Variants in DIDO1 observed in about 807,000 individuals in gnomAD.
The protein encoded by DIDO1 is death-inducer obliterator 1.
Under a neutral mutation model 99.4 loss-of-function variants are expected in DIDO1, and 16 were observed. That is an observed-to-expected ratio of 0.16 (90% CI 0.11 to 0.24). DIDO1 has a LOEUF of 0.24. Among genes scored for constraint, DIDO1 ranks in the 10% least tolerant of loss-of-function variants. The probability of loss-of-function intolerance (pLI) is 1.00; values close to 1 mark genes in which losing one functional copy is unlikely to be tolerated. For synonymous variants in DIDO1, 1,366 were observed against 1,239.1 expected (o/e 1.10, Z -2.15); for missense variants, 2,996 against 3,014.0 (o/e 0.99, Z 0.14).
chr20:62,927,406 A>G (rs1054962782), upstream of DIDO1, among the ~76,000 whole-genome samples: 10 of 152,060 alleles, frequency 6.6e-5, no homozygotes, highest in African/African-American at 2.4e-4. Flanking sequence ...CTAGAGTGAC[A>G]CTCTATCACC....
intron 3 of DIDO1, 140 bp from the exon 4 acceptor site, chr20:62,910,160 T>G: frequency 1.0e-6 from 1 of 974,842 alleles, no homozygotes; most frequent in Non-Finnish European, 1.5e-6. Flanking sequence ...TCCTCATGCC[T>G]TTCCTTTGAT....
At chr20:62,933,750 A>C (rs1302255458) in intron 1 of DIDO1, among the ~76,000 whole-genome samples, 1 of 152,142 alleles carries the variant, frequency 6.6e-6, no homozygotes, top group South Asian at 2.1e-4. Context: ...TTCCGCCTGT[A>C]GTCCCAGCTA....
rs1042538001 is a variant in DIDO1 at position 62,893,588 on chromosome 20, T to C, written c.3101+78A>G. ...CAGGTTACATTTCCAAGTTCAACTA[T>C]TTAATCACCAGTTATCTTTCCTTTC... On this transcript the variant is annotated intron_variant, in intron 12 of 15. Coordinates refer to ENST00000395343, the MANE Select transcript of DIDO1 (RefSeq NM_001193369.2). The C allele has an allele frequency of 1.9e-5, 27 of 1,457,038 alleles. No homozygotes were observed. The African/African-American group carries it at 3.1e-4, about 17-fold the overall frequency. 90.3% of individuals were successfully genotyped at this position (1,457,038 alleles called of 1,614,324 possible). A position where few individuals can be genotyped will look rare whatever the true frequency, so the allele number is the denominator to read the frequency against.
rs1019389145 is a variant in DIDO1 at position 62,878,309 on chromosome 20, G to C, written c.*924C>G. 6.6e-6 allele frequency: 1 copy of C among 152,186 alleles called. No individual in the cohort carries two copies. Among genetic ancestry groups the C allele is most frequent in the Non-Finnish European group, 1.5e-5 (1 of 68,034 alleles). 9.4% of individuals were successfully genotyped at this position (152,186 alleles called of 1,614,324 possible). On this transcript the variant is annotated 3_prime_UTR_variant, in exon 16 of 16. Coordinates refer to ENST00000395343, the MANE Select transcript of DIDO1 (RefSeq NM_001193369.2). ...GCTTCCTGTCTCATTTGCAGTTCTT[G>C]AGCTAGTGATCACTAGTTCCCGTCT...
upstream of DIDO1, among the ~76,000 whole-genome samples, chr20:62,929,796 T>G (rs2065312876): frequency 6.7e-6 from 1 of 150,104 alleles, no homozygotes; most frequent in Non-Finnish European, 1.5e-5. Flanking sequence ...TTTCTTTACT[T>G]TTACGTTGTA....
chr20:62,888,018 C>T (rs2064324703), intron 15 of DIDO1: 1 of 985,500 alleles, frequency 1.0e-6, no homozygotes, highest in African/African-American at 1.7e-5. Context: ...CTGTGAACTG[C>T]ATGGCTCCTG....
chr20:62,906,579 C>G (rs1295916447), intron 5 of DIDO1, among the ~76,000 whole-genome samples: 4 of 152,240 alleles, frequency 2.6e-5, no homozygotes, highest in African/African-American at 9.6e-5. Context: ...ATCAAGAAAA[C>G]TCCCTGAACA....
chr20:62,911,294 C>G lies in DIDO1; in HGVS notation c.319G>C (p.Ala107Pro), dbSNP rs147853306. The part of the protein sequence containing the change: ...GEPTSCPATD[A>P]ETASEGSVES... The stretch of plus-strand genomic sequence containing the variant: ...ACGCTGCCCTCGGAGGCTGTCTCGG[C>G]GTCTGTGGCGGGGCAGGACGTGGGC... The change falls in exon 3 of 16, where the codon GCC (alanine) becomes CCC (proline). Residue 107 changes from alanine to proline, a missense_variant. By Grantham distance (27) the Ala-to-Pro change is conservative (BLOSUM62 -1). Transcript: ENST00000395343. This position sits in a 1 kb window ranked among gnomAD's most constrained non-coding sequence, Gnocchi z 7.0. 2 of 1,611,352 alleles carry G rather than the reference C, an allele frequency of 1.2e-6. No homozygotes were observed. Among genetic ancestry groups the G allele is most frequent in the Non-Finnish European group, 1.7e-6 (2 of 1,180,016 alleles).
At position 62,922,211 on chromosome 20, in the gene DIDO1, CATATATATACACACACACACATAT is replaced by C. The variant is rs1170212503; in HGVS notation, c.-200+4204_-200+4227del. Among the ~76,000 whole-genome samples, 461 of 91,000 alleles carry C rather than the reference CATATATATACACACACACACATAT, an allele frequency of 5.1e-3. 1 individual carries two copies. Among genetic ancestry groups the C allele is most frequent in the African/African-American group, 0.018 (427 of 23,684 alleles). 59.7% of individuals were successfully genotyped at this position (91,000 alleles called of 152,430 possible). A position where few individuals can be genotyped will look rare whatever the true frequency, so the allele number is the denominator to read the frequency against. ...GTGTGTGTGTGTATATATATATGTA[CATATATATACACACACACACATAT>C]ATATATATACACACACACACATATA... On this transcript the variant is annotated intron_variant, in intron 1 of 15. Coordinates refer to ENST00000395343, the MANE Select transcript of DIDO1 (RefSeq NM_001193369.2).
Position 62,911,479 on chromosome 20 carries a change from G to C in DIDO1, c.134C>G (p.Ala45Gly), listed in dbSNP as rs1344330648. Residue 45 changes from alanine to glycine, a missense_variant, in exon 3 of 16, where the codon GCT (alanine) becomes GGT (glycine). By Grantham distance (60) the Ala-to-Gly change is moderately conservative (BLOSUM62 0). Transcript: ENST00000395343. The surrounding 1 kb of genome is among the most constrained non-coding windows in gnomAD (Gnocchi z 7.0). ...TGGGGGTGGCGGCTCCAGTGGGTCA[G>C]CCTCCGCGTCCCCTGCGCCCTCTCG... ...AKREGAGDAE[A>G]DPLEPPPPQQ... 1 of 1,612,398 alleles carries C rather than the reference G, an allele frequency of 6.2e-7. No individual in the cohort carries two copies. Among genetic ancestry groups the C allele is most frequent in the Non-Finnish European group, 8.5e-7 (1 of 1,179,334 alleles).
At chr20:62,883,519 C>T (rs2064246825) in intron 15 of DIDO1, among the ~76,000 whole-genome samples, 1 of 151,416 alleles carries the variant, frequency 6.6e-6, no homozygotes, top group Non-Finnish European at 1.5e-5. Context: ...GGTGAAACCC[C>T]GTCTCTACTA....
upstream of DIDO1, among the ~76,000 whole-genome samples, chr20:62,928,061 AG>A (rs954341702): frequency 1.3e-5 from 2 of 152,182 alleles, no homozygotes; most frequent in Admixed American, 6.5e-5. Context: ...CCTCCCTACA[AG>A]AGGCTCTCTC....
intron 1 of DIDO1, among the ~76,000 whole-genome samples, chr20:62,936,445 C>T (rs59190892): frequency 0.019 from 2,929 of 152,112 alleles, 94 homozygotes; most frequent in African/African-American, 0.066. Flanking sequence ...GTTCCAGCTA[C>T]TCGGGAGGCT....
In DIDO1 at chr20:62,892,708, C is replaced by A. The variant is rs2064424934; in HGVS notation, c.3255+101G>T. ...AAGAGTGTCAGGCATTTCTGTTTCT[C>A]TCCTACCTCATGAATTAAGGGAGAA... On this transcript the variant is annotated intron_variant, in intron 13 of 15. Transcript: ENST00000395343. 3.5e-6 allele frequency: 5 copies of A among 1,439,142 alleles called. No individual in the cohort carries two copies. The Admixed American group carries it at 8.9e-5, about 26-fold the overall frequency. 89.1% of individuals were successfully genotyped at this position (1,439,142 alleles called of 1,614,324 possible).
chr20:62,892,714 C>A, intron 13 of DIDO1, 95 bp downstream of exon 13: 1 of 1,448,660 alleles, frequency 6.9e-7, no homozygotes. Flanking sequence ...TTCTCTCCTA[C>A]CTCATGAATT....
At chr20:62,925,196 AAT>A (rs1417828070) in intron 1 of DIDO1, among the ~76,000 whole-genome samples, 1 of 152,214 alleles carries the variant, frequency 6.6e-6, no homozygotes, top group Non-Finnish European at 1.5e-5. Context: ...AAGGAGCTGG[AAT>A]AATCTCTCAA....
At chr20:62,890,655 G>A (rs750475302) in intron 15 of DIDO1, 33 of 1,239,898 alleles carry the variant, frequency 2.7e-5, no homozygotes, top group Admixed American at 2.2e-4. Context: ...CTTTCTGGCT[G>A]AGCCTTGGGC....
intron 1 of DIDO1, among the ~76,000 whole-genome samples, chr20:62,936,416 G>C (rs147180665): frequency 3.3e-5 from 5 of 152,104 alleles, no homozygotes; most frequent in African/African-American, 1.2e-4. Context: ...GTAGCCGGGC[G>C]TGGTGGCGGG....
rs376370503 is a variant in DIDO1, at chr20:62,882,278, C to T, written c.3678G>A (p.Pro1226=). 53 of 1,613,972 alleles carry T rather than the reference C, an allele frequency of 3.3e-5. No homozygotes were observed. The African/African-American group carries it at 3.9e-4, about 12-fold the overall frequency. The change falls in exon 16 of 16, where the codon CCG becomes CCA. Residue 1226 remains proline, a synonymous_variant. Transcript: ENST00000395343. The part of the protein sequence containing the change: ...TRLQPEEADV[P]AYPKVATVPQ... ...GGACTGTGGCTACTTTTGGATAGGC[C>T]GGAACGTCCGCTTCTTCCGGTTGAA...
Sources: allele counts gnomAD v4.1 joint callset (sites outside exome capture counted in the v4.1 genomes callset), GRCh38; gene constraint gnomAD v4.1.1; non-coding constraint Gnocchi (gnomAD v3.1); transcripts MANE v1.5; gene names NCBI Gene and HGNC (gene_info 2026-07-23, HGNC 2026-07-21).